Variants in KALRN observed in about 807,000 individuals in gnomAD.
The protein encoded by KALRN is kalirin RhoGEF kinase.
KALRN carries 70 observed loss-of-function variants against 353.7 expected under a neutral mutation model. The ratio of observed to expected loss-of-function variants is 0.20; its 90% CI spans 0.16 to 0.24. The LOEUF (loss-of-function observed/expected upper bound fraction) is 0.24, where lower values mean the gene tolerates loss of function less well. Ranked by LOEUF, KALRN falls within the 10% of genes least tolerant of loss-of-function variation. The probability of loss-of-function intolerance (pLI) is 1.00; values close to 1 mark genes in which losing one functional copy is unlikely to be tolerated. For missense variants in KALRN, 2,791 were observed against 3,756.7 expected, an observed-to-expected ratio of 0.74 and a Z score of 6.72; for synonymous variants, 1,391 against 1,434.8, an observed-to-expected ratio of 0.97 and a Z score of 0.69.
At chr3:124,420,218 AG>A (rs1417841009) in intron 14 of KALRN, among the ~76,000 whole-genome samples, 1 of 152,222 alleles carries the variant, frequency 6.6e-6, no homozygotes, top group Non-Finnish European at 1.5e-5. Context: ...ACATGCTGGG[AG>A]CCTGCTCTGT....
chr3:124,274,736 A>G (rs899655443), intron 5 of KALRN, among the ~76,000 whole-genome samples: 1 of 152,186 alleles, frequency 6.6e-6, no homozygotes, highest in South Asian at 2.1e-4. Context: ...TGACCAAGAC[A>G]TCTAGCCCAA....
chr3:124,663,682 C>T (rs571480620), intron 45 of KALRN, among the ~76,000 whole-genome samples: 1 of 152,192 alleles, frequency 6.6e-6, no homozygotes, highest in East Asian at 1.9e-4. Context: ...TTCATTATTC[C>T]TTTTTGGGGC....
At chr3:124,594,964 T>A (rs923749799) in intron 34 of KALRN, among the ~76,000 whole-genome samples, 2 of 151,810 alleles carry the variant, frequency 1.3e-5, no homozygotes, top group Non-Finnish European at 2.9e-5. Flanking sequence ...TTTTTTAAAT[T>A]TTTTTAAAAA....
intron 5 of KALRN, among the ~76,000 whole-genome samples, chr3:124,276,750 C>G (rs1413483617): frequency 6.6e-6 from 1 of 152,192 alleles, no homozygotes; most frequent in African/African-American, 2.4e-5. Flanking sequence ...AGAGACCCAC[C>G]CAAAATCATC....
At chr3:124,132,501 C>T (rs1247417567) in intron 1 of KALRN, among the ~76,000 whole-genome samples, 1 of 152,188 alleles carries the variant, frequency 6.6e-6, no homozygotes, top group African/African-American at 2.4e-5. Context: ...CTGGCCTGAG[C>T]TTTTCAAGGC....
intron 58 of KALRN, among the ~76,000 whole-genome samples, chr3:124,714,517 G>A (rs562375496): frequency 3.3e-5 from 5 of 152,302 alleles, no homozygotes; most frequent in South Asian, 2.1e-4. Flanking sequence ...CTGGGGCCCC[G>A]AGTCCTCATC....
intron 38 of KALRN, among the ~76,000 whole-genome samples, chr3:124,654,833 C>T (rs919903351): frequency 2.0e-5 from 3 of 149,128 alleles, no homozygotes; most frequent in African/African-American, 7.5e-5. Context: ...ATAGGTTTTA[C>T]AATACCTACC....
intron 57 of KALRN, among the ~76,000 whole-genome samples, chr3:124,704,538 CTTTTTTTTTCT>C (rs1277535115): frequency 9.9e-5 from 15 of 151,258 alleles, no homozygotes; most frequent in African/African-American, 2.4e-4. Flanking sequence ...CATGGAAATT[CTTTTTTTTTCT>C]TTTTTCTTTT....
At position 124,700,008 on chromosome 3, in the gene KALRN, G is replaced by A. The variant is rs140141505; in HGVS notation, c.7971G>A (p.Ser2657=). Residue 2657 remains serine, a synonymous_variant, in exon 56 of 60, where the codon TCG becomes TCA. Transcript: ENST00000682506. Reference sequence around the variant, plus strand: ...GAATCAGCCTTCCCAGCGAGCCCTCGGAGTTTGTGCGACTTCCAGAATATG... The same window carrying A: ...GAATCAGCCTTCCCAGCGAGCCCTCAGAGTTTGTGCGACTTCCAGAATATG... ...PWGISLPSEP[S]EFVRLPEYDA... 276 of 1,613,962 alleles carry A rather than the reference G, an allele frequency of 1.7e-4. 1 individual carries two copies. The highest frequency in any genetic ancestry group is 2.0e-4 in the African/African-American group (15 of 74,908).
At chr3:124,494,753 A>G (rs1223302371) in intron 32 of KALRN, among the ~76,000 whole-genome samples, 1 of 152,242 alleles carries the variant, frequency 6.6e-6, no homozygotes, top group African/African-American at 2.4e-5. Flanking sequence ...ATCCACATAC[A>G]TTCACACATA....
rs190948965 is a variant in KALRN at position 124,317,959 on chromosome 3, A to T, written c.1093-8021A>T. On this transcript the variant is annotated intron_variant, in intron 6 of 59. Coordinates refer to ENST00000682506, the MANE Select transcript of KALRN (RefSeq NM_001388419.1). Reference sequence around the variant, plus strand: ...CATTTCAATTTTGCAATGATGCCTCATACAAAAACATTTACCCTGCCCAAG... The same window carrying T: ...CATTTCAATTTTGCAATGATGCCTCTTACAAAAACATTTACCCTGCCCAAG... 2.4e-3 allele frequency among the ~76,000 whole-genome samples: 370 copies of T among 152,228 alleles called. 2 individuals are homozygous for T. Among genetic ancestry groups the T allele is most frequent in the Non-Finnish European group, 3.0e-3 (207 of 68,006 alleles).
chr3:124,502,195 C>T (rs2064660401), intron 33 of KALRN, among the ~76,000 whole-genome samples: 2 of 152,164 alleles, frequency 1.3e-5, no homozygotes, highest in South Asian at 4.1e-4. Context: ...CACCCTAGGT[C>T]CCATCCCCTA....
intron 1 of KALRN, among the ~76,000 whole-genome samples, chr3:124,102,714 C>T (rs1173117483): frequency 6.6e-6 from 1 of 152,190 alleles, no homozygotes; most frequent in Non-Finnish European, 1.5e-5. Flanking sequence ...AGGGCAAGCC[C>T]TTGTCCCCAC....
At chr3:124,513,016 T>C (rs2066120520) in intron 33 of KALRN, among the ~76,000 whole-genome samples, 1 of 152,054 alleles carries the variant, frequency 6.6e-6, no homozygotes, top group African/African-American at 2.4e-5. Context: ...GAGAACAGGG[T>C]GATCCGCTCT....
chr3:124,711,718 C>T (rs574085565), intron 57 of KALRN, among the ~76,000 whole-genome samples: 7 of 151,990 alleles, frequency 4.6e-5, no homozygotes, highest in Admixed American at 6.5e-5. Flanking sequence ...GTGTTCTTGT[C>T]GATAGGGATG....
chr3:124,492,476 A>G (rs2063272723), intron 31 of KALRN, among the ~76,000 whole-genome samples: 1 of 152,232 alleles, frequency 6.6e-6, no homozygotes. Flanking sequence ...AGGATTGGTC[A>G]GTGCCTTATG....
At chr3:124,348,586 G>C (rs1027248188) in intron 10 of KALRN, among the ~76,000 whole-genome samples, 1 of 152,210 alleles carries the variant, frequency 6.6e-6, no homozygotes, top group African/African-American at 2.4e-5. Context: ...CTTGTGCACT[G>C]TTGATGAGAA....
chr3:124,491,228 C>A, intron 30 of KALRN, 95 bp from the exon 31 acceptor site: 1 of 751,588 alleles, frequency 1.3e-6, no homozygotes, highest in Non-Finnish European at 2.1e-6. Context: ...TCCCTCGGTC[C>A]TCTCCTCTTT....
chr3:124,134,026 C>A (rs2065626161), intron 1 of KALRN, among the ~76,000 whole-genome samples: 1 of 152,090 alleles, frequency 6.6e-6, no homozygotes, highest in African/African-American at 2.4e-5. Context: ...TTAGAAAAAT[C>A]AATTCTAAAA....
Sources: allele counts gnomAD v4.1 joint callset (sites outside exome capture counted in the v4.1 genomes callset), GRCh38; gene constraint gnomAD v4.1.1; transcripts MANE v1.5; gene names NCBI Gene and HGNC (gene_info 2026-07-23, HGNC 2026-07-21).